The following POLK variants were observed in gnomAD, a reference collection of about 807,000 sequenced individuals.
The protein encoded by POLK is DNA polymerase kappa.
In POLK, 76 loss-of-function variants were observed where a neutral mutation model predicts 94.0. The ratio of observed to expected loss-of-function variants is 0.81; its 90% CI spans 0.67 to 0.98. The LOEUF (loss-of-function observed/expected upper bound fraction) is 0.98. Ranked by LOEUF, POLK falls within the 50% of genes least tolerant of loss-of-function variation. POLK has a pLI of 0.00. For synonymous variants in POLK, 349 were observed against 325.4 expected (o/e 1.07, Z -0.78); for missense variants, 954 against 1,010.1 (o/e 0.94, Z 0.75).
At chr5:75,596,408 G>T (rs200975008) in exon 13 of POLK, 289 of 1,613,642 alleles carry the variant, frequency 1.8e-4, no homozygotes, top group Non-Finnish European at 2.3e-4. Context: ...GATAAAAAAC[G>T]ATCAGAAAGG....
upstream of POLK, chr5:75,511,743 T>C (rs1164717210): frequency 4.5e-6 from 7 of 1,548,676 alleles, no homozygotes; most frequent in African/African-American, 6.9e-5. Flanking sequence ...TTCGGGATCC[T>C]CCTCCCGAAC....
At chr5:75,532,862 T>TGGTTAGCCACGTGTA (rs1769249850) in intron 1 of POLK, among the ~76,000 whole-genome samples, 1 of 152,240 alleles carries the variant, frequency 6.6e-6, no homozygotes, top group African/African-American at 2.4e-5. Context: ...TTTCATATGT[T>TGGTTAGCCACGTGTA]TGTTAGCCAC....
At chr5:75,528,226 G>T (rs1421671761) in intron 1 of POLK, among the ~76,000 whole-genome samples, 1 of 152,064 alleles carries the variant, frequency 6.6e-6, no homozygotes. Flanking sequence ...AAGAAAAAAT[G>T]ATTATATAGT....
rs376068247 is a variant in POLK at position 75,593,377 on chromosome 5, G to A, written c.1357-501G>A. 2.8e-4 allele frequency among the ~76,000 whole-genome samples: 42 copies of A among 152,134 alleles called. No homozygotes were observed. In the East Asian group the frequency reaches 4.5e-3, roughly 16 times the overall value. On this transcript the variant is annotated intron_variant, in intron 11 of 14. Transcript: ENST00000241436. Reference sequence around the variant, plus strand: ...GAACTCCTGACCTCGTGATCCGCCCGCCCAAAATGCTGGGATTACAGGCGT... The same window carrying A: ...GAACTCCTGACCTCGTGATCCGCCCACCCAAAATGCTGGGATTACAGGCGT...
intron 1 of POLK, among the ~76,000 whole-genome samples, chr5:75,534,158 C>G (rs1769330073): frequency 6.6e-6 from 1 of 151,714 alleles, no homozygotes; most frequent in Non-Finnish European, 1.5e-5. Flanking sequence ...CCCAGCTACT[C>G]AGGAGGCTGA....
chr5:75,538,394 A>C (rs962122745), intron 1 of POLK, among the ~76,000 whole-genome samples: 3 of 152,246 alleles, frequency 2.0e-5, no homozygotes. Flanking sequence ...TTAAGCTAAC[A>C]TAAACCACAT....
At chr5:75,536,257 G>A (rs1350669242) in intron 1 of POLK, among the ~76,000 whole-genome samples, 1 of 152,040 alleles carries the variant, frequency 6.6e-6, no homozygotes, top group Non-Finnish European at 1.5e-5. Flanking sequence ...TACATTTTTT[G>A]GGGGGTGTTC....
intron 1 of POLK, among the ~76,000 whole-genome samples, chr5:75,534,174 G>T (rs2112582873): frequency 6.6e-6 from 1 of 151,924 alleles, no homozygotes; most frequent in Non-Finnish European, 1.5e-5. Flanking sequence ...GCTGAGGCAG[G>T]AGAATCACTT....
chr5:75,550,621 T>G (rs1315759636), intron 2 of POLK, among the ~76,000 whole-genome samples: 1 of 151,978 alleles, frequency 6.6e-6, no homozygotes, highest in Non-Finnish European at 1.5e-5. Flanking sequence ...AATCAATTAA[T>G]GTAATACATC....
chr5:75,585,410 C>T (rs1398834836), intron 9 of POLK, among the ~76,000 whole-genome samples: 1 of 152,158 alleles, frequency 6.6e-6, no homozygotes, highest in Non-Finnish European at 1.5e-5. Context: ...GCGAATAGGA[C>T]AAATTCCTGC....
Position 75,576,942 on chromosome 5 carries a change from C to T in POLK, c.694+9C>T. On this transcript the variant is annotated intron_variant, in intron 6 of 14. Transcript: ENST00000241436. ...AAGCTCTGTAGAAAATGGTAAGCAACTTATTAAGACTATCAAACCAAGAAG... is the reference window on the plus strand; with the variant it reads ...AAGCTCTGTAGAAAATGGTAAGCAATTTATTAAGACTATCAAACCAAGAAG... 1 of 1,491,674 alleles carries T rather than the reference C, an allele frequency of 6.7e-7. No homozygotes were observed. The highest frequency in any genetic ancestry group is 9.0e-7 in the Non-Finnish European group (1 of 1,116,288). The allele number at this position is 1,491,674 out of a possible 1,614,324, so 92.4% of individuals were successfully genotyped here.
chr5:75,511,327 TG>T (rs893362976), upstream of POLK: 29 of 1,544,708 alleles, frequency 1.9e-5, no homozygotes, highest in Middle Eastern at 6.7e-4. Context: ...CGCTCCGGTG[TG>T]GGGGGGAGCA....
chr5:75,538,738 A>T (rs1017448825), intron 1 of POLK: 1 of 152,018 alleles, frequency 6.6e-6, no homozygotes, highest in Non-Finnish European at 1.5e-5. Flanking sequence ...GATGCTTTTT[A>T]TATAATATGT....
chr5:75,539,254 CT>C (rs762897779), intron 1 of POLK, among the ~76,000 whole-genome samples: 189 of 141,292 alleles, frequency 1.3e-3, no homozygotes, highest in Admixed American at 1.2e-3. Flanking sequence ...CTTCTTGCTG[CT>C]TTTTTTTTTT....
intron 12 of POLK, among the ~76,000 whole-genome samples, chr5:75,594,783 C>CA (rs1772978088): frequency 6.6e-6 from 1 of 152,208 alleles, no homozygotes; most frequent in Admixed American, 6.5e-5. Flanking sequence ...ATCACATCTC[C>CA]AGCCACTACA....
chr5:75,533,152 C>A (rs575210634), intron 1 of POLK, among the ~76,000 whole-genome samples: 1 of 152,260 alleles, frequency 6.6e-6, no homozygotes, highest in South Asian at 2.1e-4. Flanking sequence ...ATCATGAAAT[C>A]TTAGCCAAAG....
rs565624767 is a variant in POLK at position 75,514,660 on chromosome 5, C to T, written c.-14+2746C>T. ...TCTAGTCCAGACTTTGGACCTTAGG[C>T]GCTTGCAATACATAACTTTTAATAC... On this transcript the variant is annotated intron_variant, in intron 1 of 14. Transcript: ENST00000241436. Among the ~76,000 whole-genome samples the T allele has an allele frequency of 5.3e-5, 8 of 152,284 alleles. No homozygotes were observed. In the East Asian group the frequency reaches 5.8e-4, roughly 11 times the overall value.
exon 15 of POLK, chr5:75,600,114 A>G (rs1459140700): frequency 6.6e-6 from 1 of 152,202 alleles, no homozygotes; most frequent in Non-Finnish European, 1.5e-5. Flanking sequence ...TGTCCAGAAT[A>G]TATAAATGAT....
intron 1 of POLK, among the ~76,000 whole-genome samples, chr5:75,540,317 A>G (rs1387215223): frequency 1.3e-5 from 2 of 149,440 alleles, no homozygotes; most frequent in Non-Finnish European, 3.0e-5. Flanking sequence ...AGGCTTCATC[A>G]CCCTGTCTCT....
Sources: gnomAD v4.1 joint callset for allele counts (sites outside exome capture counted in the v4.1 genomes callset) on GRCh38, gnomAD v4.1.1 for gene constraint, MANE v1.5 for transcripts, NCBI Gene and HGNC (gene_info 2026-07-23, HGNC 2026-07-21) for gene names.